ABHD12B: variants seen among roughly 807,000 people sequenced by gnomAD.
ABHD12B encodes the protein protein ABHD12B.
ABHD12B carries 42 observed loss-of-function variants against 50.4 expected under a neutral mutation model. The ratio of observed to expected loss-of-function variants is 0.83; its 90% CI spans 0.65 to 1.08. The LOEUF (loss-of-function observed/expected upper bound fraction) is 1.08, where lower values mean the gene tolerates loss of function less well. Among genes scored for constraint, ABHD12B ranks in the 50% least tolerant of loss-of-function variants. The pLI, the probability that ABHD12B is intolerant of heterozygous loss-of-function variation, is 0.00. For synonymous variants in ABHD12B, 167 were observed against 160.3 expected (o/e 1.04, Z -0.32); for missense variants, 479 against 447.7 (o/e 1.07, Z -0.63).
rs11846037 is a variant in ABHD12B at position 50,885,848 on chromosome 14, A to G, written c.615A>G (p.Arg205=). The stretch of plus-strand genomic sequence containing the variant: ...GTGTCTATGAGTGGACCAAGGCAAG[A>G]AGTGGCATCACTCCCGTGTGTCTCT... ...AICVYEWTKA[R]SGITPVCLWG... Residue 205 remains arginine, a synonymous_variant, in exon 7 of 13, where the codon AGA becomes AGG. Coordinates refer to ENST00000337334, the MANE Select transcript of ABHD12B (RefSeq NM_001206673.2). 2.2e-3 allele frequency: 3,590 copies of G among 1,614,158 alleles called. 62 individuals carry two copies. The African/African-American group carries it at 0.039, about 18-fold the overall frequency.
At chr14:50,901,757 T>C in intron 9 of ABHD12B, 72 bp from the exon 10 acceptor site, 1 of 959,168 alleles carries the variant, frequency 1.0e-6, no homozygotes, top group Non-Finnish European at 1.5e-6. Flanking sequence ...CCCTGGTTCA[T>C]AGTGAAAGAC....
At chr14:50,901,631 T>C (rs2050260880) in intron 9 of ABHD12B, among the ~76,000 whole-genome samples, 198 bp from the exon 10 acceptor site, 2 of 152,194 alleles carry the variant, frequency 1.3e-5, no homozygotes, top group African/African-American at 4.8e-5. Context: ...TATGTGTGCT[T>C]TGTTTCTTCT....
At chr14:50,902,043 G>T in intron 10 of ABHD12B, 132 bp downstream of exon 10, 1 of 577,884 alleles carries the variant, frequency 1.7e-6, no homozygotes, top group South Asian at 3.0e-5. Context: ...ATTGTTCTGC[G>T]CTTCTTAGAT....
chr14:50,904,390 A>ACCTCCTGTG lies in ABHD12B; in HGVS notation c.*24_*25insCCTCCTGTG. ...GAGTCTGGGAGGAGTGGAAATCTTC[A>ACCTCCTGTG]ATGAAGACTTGGCCCAAACACCACC... is the stretch of plus-strand genomic sequence containing the variant. On this transcript the variant is annotated 3_prime_UTR_variant, in exon 13 of 13. Transcript: ENST00000337334. The ACCTCCTGTG allele has an allele frequency of 1.2e-6, 2 of 1,613,804 alleles. No homozygotes were observed. Among genetic ancestry groups the ACCTCCTGTG allele is most frequent in the South Asian group, 2.2e-5 (2 of 91,080 alleles).
intron 9 of ABHD12B, among the ~76,000 whole-genome samples, chr14:50,896,098 T>C (rs368262274): frequency 6.7e-4 from 102 of 152,018 alleles, no homozygotes; most frequent in East Asian, 6.4e-3. Flanking sequence ...CCCTCCTTGG[T>C]GACCGATCAT....
intron 5 of ABHD12B, among the ~76,000 whole-genome samples, chr14:50,883,044 C>T (rs2049981500): frequency 6.6e-6 from 1 of 151,580 alleles, no homozygotes. Context: ...AGCATGGTGG[C>T]CACACTTGCT....
intron 9 of ABHD12B, chr14:50,893,478 T>C (rs908594098): frequency 6.6e-6 from 1 of 152,080 alleles, no homozygotes; most frequent in East Asian, 1.9e-4. Context: ...CCAAATCCTA[T>C]AAAACAGCCC....
chr14:50,892,853 A>C (rs935543953), intron 9 of ABHD12B: 1 of 152,330 alleles, frequency 6.6e-6, no homozygotes, highest in African/African-American at 2.4e-5. Flanking sequence ...TTTAGTTCAA[A>C]ATATTTTATA....
intron 1 of ABHD12B, among the ~76,000 whole-genome samples, chr14:50,876,954 C>G (rs936454432): frequency 2.6e-5 from 4 of 152,174 alleles, no homozygotes; most frequent in African/African-American, 9.7e-5. Context: ...ACATTGACCT[C>G]CTGTATCCCT....
chr14:50,876,557 T>C (rs2049866392), intron 1 of ABHD12B, among the ~76,000 whole-genome samples: 1 of 152,124 alleles, frequency 6.6e-6, no homozygotes, highest in African/African-American at 2.4e-5. Flanking sequence ...ATGAGCAGAA[T>C]TTTGCCAGAG....
In ABHD12B at chr14:50,872,134, A is replaced by G. The variant is rs546791551; in HGVS notation, c.-41A>G. On this transcript the variant is annotated 5_prime_UTR_variant, in exon 1 of 13. Transcript: ENST00000337334. ...GTCGCGGGCGGCTGCTCCGGACTGC[A>G]GCTCCCGCGGCGGTGGCGGCGTATC... The G allele has an allele frequency of 2.8e-5, 35 of 1,244,998 alleles. 1 individual carries two copies. In the South Asian group the frequency reaches 6.1e-4, roughly 22 times the overall value. The allele number at this position is 1,244,998 out of a possible 1,614,324, so 77.1% of individuals were successfully genotyped here.
intron 8 of ABHD12B, among the ~76,000 whole-genome samples, chr14:50,888,519 A>G (rs994498557): frequency 1.3e-5 from 2 of 152,024 alleles, no homozygotes; most frequent in Admixed American, 1.3e-4. Flanking sequence ...CTTGTTGTCC[A>G]AGCCATGATG....
chr14:50,897,410 C>T (rs1490645981), intron 9 of ABHD12B, among the ~76,000 whole-genome samples: 1 of 152,212 alleles, frequency 6.6e-6, no homozygotes, highest in African/African-American at 2.4e-5. Context: ...GTGGATTTAT[C>T]ATTTTCATCA....
Position 50,886,809 on chromosome 14 carries a change from C to T in ABHD12B, c.700+125C>T, listed in dbSNP as rs2050045360. 5.2e-6 allele frequency: 4 copies of T among 775,778 alleles called. No individual in the cohort carries two copies. The South Asian group carries it at 5.8e-5, about 11-fold the overall frequency. The allele number at this position is 775,778 out of a possible 1,614,324, so 48.1% of individuals were successfully genotyped here. A position where few individuals can be genotyped will look rare whatever the true frequency, so the allele number is the denominator to read the frequency against. Reference sequence around the variant, plus strand: ...AAAGCATCCCAACTTTAGATGGTTTCTGGCAGTGCAACAGGCTTTCTTTTT... The same window carrying T: ...AAAGCATCCCAACTTTAGATGGTTTTTGGCAGTGCAACAGGCTTTCTTTTT... On this transcript the variant is annotated intron_variant, in intron 8 of 12. Transcript: ENST00000337334.
intron 1 of ABHD12B, among the ~76,000 whole-genome samples, chr14:50,876,407 T>C (rs370347846): frequency 7.9e-5 from 12 of 152,312 alleles, no homozygotes; most frequent in African/African-American, 2.9e-4. Flanking sequence ...GGGGAATTAA[T>C]TTTTTTAGAG....
At chr14:50,895,544 C>G (rs1204961045) in intron 9 of ABHD12B, 1 of 152,176 alleles carries the variant, frequency 6.6e-6, no homozygotes, top group East Asian at 1.9e-4. Context: ...GAAAATCGGA[C>G]TGTTCAACTC....
chr14:50,882,373 C>CTTTTTTTTTTTTTTTTTTTTTTTTTTT (rs386381352), intron 5 of ABHD12B, among the ~76,000 whole-genome samples: 4 of 81,834 alleles, frequency 4.9e-5, no homozygotes, highest in African/African-American at 2.1e-4. Context: ...AGAATGTCTG[C>CTTTTTTTTTTTTTTTTTTTTTTTTTTT]TTTTTTTTTT....
chr14:50,878,949 C>A, intron 3 of ABHD12B, 102 bp downstream of exon 3: 2 of 888,118 alleles, frequency 2.3e-6, no homozygotes, highest in South Asian at 1.5e-5. Context: ...GAGGTCGGTG[C>A]TCCTGGAGGT....
At chr14:50,876,418 G>A (rs2049864565) in intron 1 of ABHD12B, among the ~76,000 whole-genome samples, 1 of 152,138 alleles carries the variant, frequency 6.6e-6, no homozygotes, top group African/African-American at 2.4e-5. Flanking sequence ...TTTTTTAGAG[G>A]TCTTTCTTTG....
Sources: allele counts gnomAD v4.1 joint callset (sites outside exome capture counted in the v4.1 genomes callset), GRCh38; gene constraint gnomAD v4.1.1; transcripts MANE v1.5; gene names NCBI Gene and HGNC (gene_info 2026-07-23, HGNC 2026-07-21).